The following FGGY variants were observed in gnomAD, a reference collection of about 807,000 sequenced individuals.
The protein encoded by FGGY is FGGY carbohydrate kinase domain containing, also known as FGGY carbohydrate kinase domain-containing protein.
Under a neutral mutation model 71.3 loss-of-function variants are expected in FGGY, and 72 were observed. That is an observed-to-expected ratio of 1.01 (90% CI 0.84 to 1.23). The LOEUF is 1.23. Ranked by LOEUF, FGGY falls within the 50% of genes most tolerant of loss-of-function variation. The pLI, the probability that FGGY is intolerant of heterozygous loss-of-function variation, is 0.00. For synonymous variants in FGGY, 251 were observed against 250.3 expected (o/e 1.00, Z -0.02); for missense variants, 668 against 682.3 (o/e 0.98, Z 0.23).
intron 10 of FGGY, among the ~76,000 whole-genome samples, chr1:59,635,309 T>C (rs2096946856): frequency 6.6e-6 from 1 of 152,140 alleles, no homozygotes; most frequent in Non-Finnish European, 1.5e-5. Context: ...GCAAGGAGGT[T>C]AGGAGTCAAA....
At chr1:59,703,907 C>T (rs1476220925) in intron 14 of FGGY, among the ~76,000 whole-genome samples, 1 of 151,990 alleles carries the variant, frequency 6.6e-6, no homozygotes, top group Non-Finnish European at 1.5e-5. Flanking sequence ...CCCATTGGAC[C>T]CTATGGTTTA....
In FGGY at chr1:59,568,198, A is replaced by G. The variant is rs2095909506; in HGVS notation, c.903+13971A>G. Among the ~76,000 whole-genome samples the G allele has an allele frequency of 2.0e-5, 3 of 152,196 alleles. No individual in the cohort carries two copies. In the South Asian group the frequency reaches 6.2e-4, roughly 32 times the overall value. ...GCTTTAAATGGCTTGATCCATTCAG[A>G]TCAGATTTTACCATCAAATGAATTG... On this transcript the variant is annotated intron_variant, in intron 8 of 15. Transcript: ENST00000303721.
intron 1 of FGGY, among the ~76,000 whole-genome samples, chr1:59,303,573 C>T (rs1182813012): frequency 6.6e-6 from 1 of 152,092 alleles, no homozygotes; most frequent in African/African-American, 2.4e-5. Context: ...GGGAGTACAG[C>T]TATTACACCA....
intron 7 of FGGY, among the ~76,000 whole-genome samples, chr1:59,540,375 C>T (rs559067646): frequency 1.3e-5 from 2 of 152,284 alleles, no homozygotes; most frequent in African/African-American, 2.4e-5. Context: ...TTGGTATATT[C>T]GTGGAGTAAA....
intron 3 of FGGY, 105 bp downstream of exon 3, chr1:59,340,174 A>C (rs2153199943): frequency 1.4e-6 from 1 of 726,490 alleles, no homozygotes; most frequent in South Asian, 1.8e-5. Flanking sequence ...GCTGATAGTA[A>C]AATTTAGAGG....
intron 5 of FGGY, among the ~76,000 whole-genome samples, chr1:59,437,678 A>G (rs760576621): frequency 1.3e-5 from 2 of 152,222 alleles, no homozygotes; most frequent in African/African-American, 4.8e-5. Flanking sequence ...AGTGATTGCT[A>G]TAGTCCCCTG....
intron 1 of FGGY, chr1:59,316,403 A>G (rs931329557): frequency 6.6e-6 from 1 of 152,200 alleles, no homozygotes; most frequent in African/African-American, 2.4e-5. Flanking sequence ...TCAGAGGGAA[A>G]GAAGGGGAAA....
chr1:59,378,700 A>T, intron 4 of FGGY, 49 bp from the exon 5 acceptor site: 9 of 1,519,982 alleles, frequency 5.9e-6, no homozygotes, highest in Non-Finnish European at 5.4e-6. Context: ...GAAAGAGGAG[A>T]TGGTAGAAAA....
intron 9 of FGGY, among the ~76,000 whole-genome samples, chr1:59,615,946 G>A (rs562529823): frequency 1.3e-5 from 2 of 152,318 alleles, no homozygotes; most frequent in East Asian, 1.9e-4. Context: ...ACCACAGTGA[G>A]ATACCATCTC....
chr1:59,314,300 A>G (rs2044987113), intron 1 of FGGY, among the ~76,000 whole-genome samples: 1 of 152,134 alleles, frequency 6.6e-6, no homozygotes. Flanking sequence ...GTGGGTTTCA[A>G]GAGGTGATTC....
At chr1:59,735,456 G>T (rs2407605) in intron 14 of FGGY, among the ~76,000 whole-genome samples, 2,401 of 152,268 alleles carry the variant, frequency 0.016, 66 homozygotes, top group African/African-American at 0.054. Context: ...AGTATTGTTG[G>T]TTCACTCTTA....
At chr1:59,680,993 T>G (rs1257067294) in intron 14 of FGGY, 1 of 152,172 alleles carries the variant, frequency 6.6e-6, no homozygotes. Context: ...GAAATAAAAA[T>G]AAGCAGGGTG....
chr1:59,532,814 A>G (rs1243126069), intron 7 of FGGY, among the ~76,000 whole-genome samples: 1 of 152,074 alleles, frequency 6.6e-6, no homozygotes, highest in East Asian at 1.9e-4. Context: ...TAAGAATTAG[A>G]AAGAAAGAAA....
chr1:59,724,408 T>C (rs1041896232), intron 14 of FGGY, among the ~76,000 whole-genome samples: 23 of 151,110 alleles, frequency 1.5e-4, no homozygotes, highest in Admixed American at 1.5e-3. Context: ...GGCGTGAACA[T>C]GGGAGGTGGA....
At chr1:59,590,683 A>G (rs1433327834) in intron 8 of FGGY, among the ~76,000 whole-genome samples, 1 of 152,250 alleles carries the variant, frequency 6.6e-6, no homozygotes, top group Non-Finnish European at 1.5e-5. Context: ...ACCAAAGGAA[A>G]AAACCACATG....
chr1:59,505,234 T>A (rs923395599), intron 6 of FGGY, among the ~76,000 whole-genome samples: 6 of 152,236 alleles, frequency 3.9e-5, no homozygotes, highest in Non-Finnish European at 7.3e-5. Flanking sequence ...ATGGGAATAG[T>A]GTCGACTAGA....
At position 59,362,836 on chromosome 1, in the gene FGGY, T is replaced by C. The variant is rs1426039064; in HGVS notation, c.466-15913T>C. 2.6e-5 allele frequency among the ~76,000 whole-genome samples: 4 copies of C among 152,234 alleles called. No homozygotes were observed. In the East Asian group the frequency reaches 7.7e-4, roughly 29 times the overall value. On this transcript the variant is annotated intron_variant, in intron 4 of 15. Transcript: ENST00000303721. Reference sequence around the variant, plus strand: ...TAGATTCTTTGTTCCACCTAGCCAGTAACTAACCTGAGGATAGGAAGTATA... The same window carrying C: ...TAGATTCTTTGTTCCACCTAGCCAGCAACTAACCTGAGGATAGGAAGTATA...
intron 1 of FGGY, among the ~76,000 whole-genome samples, chr1:59,304,190 C>T (rs1356934553): frequency 6.6e-6 from 1 of 152,022 alleles, no homozygotes; most frequent in Non-Finnish European, 1.5e-5. Flanking sequence ...TCGTTTTCTT[C>T]TAGGAGTTTT....
intron 14 of FGGY, among the ~76,000 whole-genome samples, chr1:59,677,712 T>G (rs2097450617): frequency 6.6e-6 from 1 of 152,212 alleles, no homozygotes; most frequent in Admixed American, 6.5e-5. Flanking sequence ...GAAGGGAGAC[T>G]GGATGGAATA....
Sources: allele counts gnomAD v4.1 joint callset (sites outside exome capture counted in the v4.1 genomes callset), GRCh38; gene constraint gnomAD v4.1.1; transcripts MANE v1.5; gene names NCBI Gene and HGNC (gene_info 2026-07-23, HGNC 2026-07-21).